Variants in PTPRD observed in about 807,000 individuals in gnomAD.
PTPRD encodes the protein protein tyrosine phosphatase receptor type D.
PTPRD carries 34 observed loss-of-function variants against 214.5 expected under a neutral mutation model. The observed-to-expected ratio is 0.16, with a 90% CI of 0.12 to 0.21. PTPRD has a LOEUF of 0.21. Ranked by LOEUF, PTPRD falls within the 10% of genes least tolerant of loss-of-function variation. PTPRD has a pLI of 1.00. For synonymous variants in PTPRD, 1,128 were observed against 845.7 expected (o/e 1.33, Z -5.79); for missense variants, 2,545 against 2,398.7 (o/e 1.06, Z -1.27).
chr9:9,833,673 C>T (rs2055730610), intron 5 of PTPRD, among the ~76,000 whole-genome samples: 2 of 108,820 alleles, frequency 1.8e-5, no homozygotes, highest in Non-Finnish European at 1.7e-5. Flanking sequence ...GAGACAGGTA[C>T]GCTCCGGAGA....
intron 11 of PTPRD, among the ~76,000 whole-genome samples, chr9:8,840,876 G>A (rs2097544955): frequency 1.3e-5 from 2 of 152,138 alleles, no homozygotes; most frequent in South Asian, 4.1e-4. Context: ...CTCTGGTACT[G>A]CATCTTCTAC....
intron 11 of PTPRD, among the ~76,000 whole-genome samples, chr9:8,763,295 T>C (rs2094517695): frequency 6.6e-6 from 1 of 152,086 alleles, no homozygotes; most frequent in African/African-American, 2.4e-5. Flanking sequence ...ATGGATCGCC[T>C]GAAACCAGGA....
chr9:9,190,410 T>A (rs1673178257), intron 9 of PTPRD, among the ~76,000 whole-genome samples: 1 of 152,028 alleles, frequency 6.6e-6, no homozygotes, highest in African/African-American at 2.4e-5. Context: ...ATCCAGTGGG[T>A]TTATCAGGGG....
intron 9 of PTPRD, among the ~76,000 whole-genome samples, chr9:9,354,304 T>G (rs1050173633): frequency 1.3e-5 from 2 of 151,814 alleles, no homozygotes; most frequent in Admixed American, 1.3e-4. Context: ...GGGGCTATTT[T>G]AGAATTCTTT....
chr9:9,535,821 G>T (rs1012575691), intron 8 of PTPRD, among the ~76,000 whole-genome samples: 2 of 152,154 alleles, frequency 1.3e-5, no homozygotes, highest in Admixed American at 6.6e-5. Flanking sequence ...GAGTTAAATT[G>T]TGTGTGGGGG....
intron 11 of PTPRD, among the ~76,000 whole-genome samples, chr9:8,938,540 T>C (rs1293173608): frequency 1.3e-5 from 2 of 152,146 alleles, no homozygotes; most frequent in African/African-American, 4.8e-5. Context: ...TTTACCATAA[T>C]ATTTAGTATA....
chr9:9,784,790 T>C (rs2098905647), intron 5 of PTPRD, among the ~76,000 whole-genome samples: 1 of 150,986 alleles, frequency 6.6e-6, no homozygotes, highest in South Asian at 2.1e-4. Flanking sequence ...TAGATATATA[T>C]ATGTTTATAT....
intron 2 of PTPRD, among the ~76,000 whole-genome samples, chr9:10,520,636 G>A (rs908366399): frequency 2.6e-5 from 4 of 152,130 alleles, no homozygotes; most frequent in African/African-American, 7.2e-5. Flanking sequence ...AAGGGAAGTC[G>A]ATGCTTGGCT....
At chr9:9,716,695 G>T (rs1311285859) in intron 7 of PTPRD, among the ~76,000 whole-genome samples, 6 of 151,994 alleles carry the variant, frequency 3.9e-5, no homozygotes, top group African/African-American at 1.4e-4. Flanking sequence ...ACTTTTTGAT[G>T]GGGTTGTTTT....
At chr9:10,524,994 A>T (rs956999464) in intron 2 of PTPRD, among the ~76,000 whole-genome samples, 5 of 151,620 alleles carry the variant, frequency 3.3e-5, no homozygotes, top group African/African-American at 1.2e-4. Context: ...CAACACTAAG[A>T]CCTATATCAT....
intron 3 of PTPRD, among the ~76,000 whole-genome samples, chr9:10,271,822 T>G (rs1197363768): frequency 2.0e-5 from 3 of 152,060 alleles, no homozygotes; most frequent in Non-Finnish European, 4.4e-5. Context: ...GGATTACAGG[T>G]GTGAGACACT....
At chr9:9,266,972 A>C (rs1454700497) in intron 9 of PTPRD, among the ~76,000 whole-genome samples, 1 of 151,274 alleles carries the variant, frequency 6.6e-6, no homozygotes, top group African/African-American at 2.4e-5. Flanking sequence ...TGAAATAGAG[A>C]CTACAAAAAA....
At chr9:8,319,399 G>A (rs950265067) in intron 45 of PTPRD, among the ~76,000 whole-genome samples, 1 of 151,938 alleles carries the variant, frequency 6.6e-6, no homozygotes, top group Non-Finnish European at 1.5e-5. Flanking sequence ...AATGGCCATT[G>A]TTAAGACATG....
At chr9:10,372,337 A>T (rs2097643588) in intron 2 of PTPRD, among the ~76,000 whole-genome samples, 1 of 151,974 alleles carries the variant, frequency 6.6e-6, no homozygotes, top group African/African-American at 2.4e-5. Flanking sequence ...TAGGTTGTAA[A>T]AGTGCCACAT....
intron 3 of PTPRD, among the ~76,000 whole-genome samples, chr9:10,338,748 G>A (rs1354036677): frequency 1.3e-5 from 2 of 151,768 alleles, no homozygotes; most frequent in East Asian, 3.9e-4. Context: ...AATGGCAAAG[G>A]CATTGCTTTT....
At chr9:9,479,887 T>A (rs1288005024) in intron 8 of PTPRD, among the ~76,000 whole-genome samples, 1 of 152,128 alleles carries the variant, frequency 6.6e-6, no homozygotes, top group East Asian at 1.9e-4. Context: ...TTATAGAAAC[T>A]GACAATACTG....
chr9:8,905,732 C>T (rs1333506830), intron 11 of PTPRD, among the ~76,000 whole-genome samples: 2 of 138,940 alleles, frequency 1.4e-5, no homozygotes, highest in Non-Finnish European at 3.0e-5. Context: ...GAGTGAGACT[C>T]CCTCGCAAAA....
intron 3 of PTPRD, among the ~76,000 whole-genome samples, chr9:10,082,876 T>G (rs1373793556): frequency 3.4e-5 from 5 of 148,688 alleles, no homozygotes; most frequent in African/African-American, 1.0e-4. Flanking sequence ...CTAGATTTAT[T>G]TTGGGGTTGT....
chr9:8,598,993 C>T (rs941918813), intron 14 of PTPRD, among the ~76,000 whole-genome samples: 2 of 152,146 alleles, frequency 1.3e-5, no homozygotes, highest in African/African-American at 4.8e-5. Context: ...CCAAATCTCA[C>T]CTTGAATTGT....
Sources: gnomAD v4.1 joint callset for allele counts (sites outside exome capture counted in the v4.1 genomes callset) on GRCh38, gnomAD v4.1.1 for gene constraint, MANE v1.5 for transcripts, NCBI Gene and HGNC (gene_info 2026-07-23, HGNC 2026-07-21) for gene names.